CCDC32: variants seen among roughly 807,000 people sequenced by gnomAD.
CCDC32 encodes coiled-coil domain-containing protein 32.
CCDC32 carries 9 observed loss-of-function variants against 20.1 expected under a neutral mutation model. The observed-to-expected ratio is 0.45, with a 90% confidence interval of 0.27 to 0.78. The LOEUF (loss-of-function observed/expected upper bound fraction) is 0.78. CCDC32 is among the 30% of genes least tolerant of loss of function. CCDC32 has a pLI of 0.16. For synonymous variants in CCDC32, 63 were observed against 79.0 expected (o/e 0.80, Z 1.07); for missense variants, 204 against 215.5 (o/e 0.95, Z 0.33).
the CCDC32 span, among the ~76,000 whole-genome samples, chr15:40,522,454 TATATGAATTTTAGAATC>T: frequency 3.3e-5 from 5 of 152,246 alleles, no homozygotes; most frequent in Admixed American, 1.3e-4. Flanking sequence ...CTGGAATTTC[TATATGAATTTTAGAATC>T]AGCTTGTCAA....
At chr15:40,532,753 A>C, downstream of CCDC32, among the ~76,000 whole-genome samples, 1 of 114,590 alleles carries the variant, frequency 8.7e-6, no homozygotes, top group African/African-American at 3.5e-5. Flanking sequence ...AGAGAATCTC[A>C]CTCTGTCACC....
chr15:40,523,828 A>G (rs1894864005), downstream of CCDC32, among the ~76,000 whole-genome samples: 1 of 152,154 alleles, frequency 6.6e-6, no homozygotes, highest in Non-Finnish European at 1.5e-5. Flanking sequence ...AACAATTAGA[A>G]CTCTCATTCA....
chr15:40,550,775 G>A (rs1051426625), downstream of CCDC32, among the ~76,000 whole-genome samples: 2 of 152,174 alleles, frequency 1.3e-5, no homozygotes, highest in East Asian at 3.8e-4. Context: ...TTACACATGG[G>A]CTAGAAACCA....
At chr15:40,526,089 T>A (rs1894897366), downstream of CCDC32, among the ~76,000 whole-genome samples, 2 of 152,126 alleles carry the variant, frequency 1.3e-5, no homozygotes, top group Non-Finnish European at 2.9e-5. Context: ...GTGGGCCCAC[T>A]GCGGCCTCAC....
At chr15:40,534,549 A>G (rs181308272), downstream of CCDC32, 1 of 208,854 alleles carries the variant, frequency 4.8e-6, no homozygotes, top group East Asian at 1.3e-4. Context: ...AGCATGAGGG[A>G]AACTGCCCCC....
At chr15:40,564,221 T>C (rs12442697) in intron 1 of CCDC32, among the ~76,000 whole-genome samples, 134,497 of 152,178 alleles carry the variant, frequency 0.88, 59,753 homozygotes, top group Non-Finnish European at 0.93. Flanking sequence ...AGAGTACTGT[T>C]ACAATGCAAG....
intron 3 of CCDC32, among the ~76,000 whole-genome samples, chr15:40,542,466 T>A (rs1889436162): frequency 1.3e-5 from 2 of 152,170 alleles, no homozygotes; most frequent in African/African-American, 4.8e-5. Context: ...TCGATGTTCC[T>A]CTGTAGGAAA....
chr15:40,529,841 T>C (rs1888822427), intron 3 of CCDC32, among the ~76,000 whole-genome samples: 1 of 151,066 alleles, frequency 6.6e-6, no homozygotes, highest in Non-Finnish European at 1.5e-5. Flanking sequence ...TTTTGTGTTT[T>C]TAGTAGAGAC....
At chr15:40,535,134 G>T, downstream of CCDC32, 3 of 1,011,256 alleles carry the variant, frequency 3.0e-6, no homozygotes, top group South Asian at 2.9e-5. Flanking sequence ...ACAGGTATTT[G>T]ATCAGAGCTG....
chr15:40,523,770 A>T (rs1469423326), downstream of CCDC32, among the ~76,000 whole-genome samples: 1 of 152,248 alleles, frequency 6.6e-6, no homozygotes, highest in Non-Finnish European at 1.5e-5. Flanking sequence ...ACCCACCAGA[A>T]TGGCTAAAAT....
chr15:40,562,548 C>G (rs900910072), intron 2 of CCDC32, among the ~76,000 whole-genome samples: 1 of 152,110 alleles, frequency 6.6e-6, no homozygotes, highest in Non-Finnish European at 1.5e-5. Context: ...CCACTGCACT[C>G]CAGCCTGGGC....
At chr15:40,563,118 T>G in intron 1 of CCDC32, 91 bp from the exon 2 acceptor site, 1 of 1,434,236 alleles carries the variant, frequency 7.0e-7, no homozygotes, top group East Asian at 2.3e-5. Context: ...ATCCCAACAC[T>G]TTGGGAAGCC....
chr15:40,549,030 AAAC>A (rs1187737474), downstream of CCDC32, among the ~76,000 whole-genome samples: 1 of 152,220 alleles, frequency 6.6e-6, no homozygotes, highest in Non-Finnish European at 1.5e-5. Context: ...TAGAAAATAA[AAAC>A]AAAGAAAAAC....
chr15:40,546,581 A>G (rs1889628844), intron 3 of CCDC32, among the ~76,000 whole-genome samples: 1 of 152,026 alleles, frequency 6.6e-6, no homozygotes, highest in African/African-American at 2.4e-5. Context: ...CCCCATAGTA[A>G]TTATAATTAT....
At chr15:40,545,127 C>T (rs964362873) in intron 3 of CCDC32, among the ~76,000 whole-genome samples, 1 of 152,200 alleles carries the variant, frequency 6.6e-6, no homozygotes, top group Non-Finnish European at 1.5e-5. Flanking sequence ...CTCTACCATA[C>T]TCTTACCCAA....
downstream of CCDC32, among the ~76,000 whole-genome samples, chr15:40,524,739 C>CTTTTTTTTTTTTTTT (rs758786719): frequency 1.5e-4 from 14 of 95,242 alleles, 1 homozygote; most frequent in African/African-American, 6.3e-4. Flanking sequence ...CTTTTTCTTT[C>CTTTTTTTTTTTTTTT]TTTTTTTTTT....
chr15:40,557,617 G>C (rs991244843), intron 2 of CCDC32: 2 of 372,982 alleles, frequency 5.4e-6, no homozygotes, highest in Non-Finnish European at 9.7e-6. Context: ...AAAAGCCATA[G>C]GTTCTCATAA....
chr15:40,543,205 A>T (rs573155697), intron 3 of CCDC32, among the ~76,000 whole-genome samples: 79 of 152,270 alleles, frequency 5.2e-4, no homozygotes, highest in African/African-American at 1.9e-3. Context: ...TAGCATAAAT[A>T]ACCCCTCATA....
intron 3 of CCDC32, among the ~76,000 whole-genome samples, chr15:40,541,157 C>T (rs899531876): frequency 6.6e-6 from 1 of 152,220 alleles, no homozygotes; most frequent in Non-Finnish European, 1.5e-5. Context: ...GGTACATGCT[C>T]AGTTTCCCTC....
Sources: allele counts gnomAD v4.1 joint callset (sites outside exome capture counted in the v4.1 genomes callset), GRCh38; gene constraint gnomAD v4.1.1; transcripts MANE v1.5; gene names NCBI Gene and HGNC (gene_info 2026-07-23, HGNC 2026-07-21).